The following IDO1 variants were observed in gnomAD, a reference collection of about 807,000 sequenced individuals.
IDO1 encodes indolamine 2,3 dioxygenase.
A neutral mutation model predicts 38.8 loss-of-function variants in IDO1; 35 were observed. The ratio of observed to expected loss-of-function variants is 0.90; its 90% confidence interval spans 0.69 to 1.20. The LOEUF (loss-of-function observed/expected upper bound fraction) is 1.20. IDO1 is among the 50% of genes most tolerant of loss of function. The pLI is 0.00. For missense variants in IDO1, 509 were observed against 485.1 expected (o/e 1.05, Z -0.46); for synonymous variants, 171 against 170.0 (o/e 1.01, Z -0.05).
At chr8:39,925,981 A>T (rs1807353452) in intron 9 of IDO1, among the ~76,000 whole-genome samples, 1 of 151,750 alleles carries the variant, frequency 6.6e-6, no homozygotes, top group African/African-American at 2.4e-5. Context: ...AGATCAGGAG[A>T]TCGAGACCAT....
At chr8:39,916,550 G>GA (rs957838302) in intron 1 of IDO1, among the ~76,000 whole-genome samples, 1 of 151,832 alleles carries the variant, frequency 6.6e-6, no homozygotes, top group Non-Finnish European at 1.5e-5. Context: ...CCGGAAACAT[G>GA]AAAAAAAATT....
Position 39,914,001 on chromosome 8 carries a change from A to C in IDO1, c.79A>C (p.Asn27His). ...IDEEVGFALP[N>H]PQENLPDFYN... ...TGAAGAAGTGGGCTTTGCTCTGCCA[A>C]ATCCACAGGTAAGAGAAGGCAGTAA... is the stretch of plus-strand genomic sequence containing the variant. The change falls in exon 1 of 10, where the codon AAT becomes CAT. Residue 27 changes from asparagine (N) to histidine (H), a missense_variant. By Grantham distance (68) the Asn-to-His change is moderately conservative. Transcript: ENST00000518237. The C allele has an allele frequency of 1.3e-6, 2 of 1,566,478 alleles. No homozygotes were observed. Among genetic ancestry groups the C allele is most frequent in the Non-Finnish European group, 1.7e-6 (2 of 1,154,666 alleles).
intron 3 of IDO1, chr8:39,918,541 T>C: frequency 2.2e-6 from 1 of 455,778 alleles, no homozygotes; most frequent in Non-Finnish European, 3.9e-6. Flanking sequence ...AGGTCAGGAG[T>C]TCAAGACCAA....
chr8:39,922,082 C>A (rs1387016446), intron 5 of IDO1, among the ~76,000 whole-genome samples: 1 of 152,090 alleles, frequency 6.6e-6, no homozygotes, highest in Non-Finnish European at 1.5e-5. Flanking sequence ...CTCACTGCAA[C>A]CTCCGCCTCC....
intron 3 of IDO1, chr8:39,918,417 T>C: frequency 1.8e-6 from 1 of 558,008 alleles, no homozygotes; most frequent in Non-Finnish European, 3.1e-6. Flanking sequence ...TTTCATCCTG[T>C]ATTTTATCTG....
intron 6 of IDO1, chr8:39,922,898 G>A: frequency 2.0e-6 from 1 of 496,200 alleles, no homozygotes. Context: ...AATAAAATCT[G>A]GCTTTGGAAC....
At chr8:39,925,767 C>A (rs1807349963) in intron 9 of IDO1, among the ~76,000 whole-genome samples, 1 of 151,992 alleles carries the variant, frequency 6.6e-6, no homozygotes, top group South Asian at 2.1e-4. Flanking sequence ...GCCTCTAATC[C>A]CAGCTACTCG....
chr8:39,923,268 G>C (rs1807302894), intron 6 of IDO1, among the ~76,000 whole-genome samples: 1 of 152,086 alleles, frequency 6.6e-6, no homozygotes, highest in Non-Finnish European at 1.5e-5. Context: ...GCCGGGCATG[G>C]TGGTGGGCAC....
intron 7 of IDO1, 130 bp downstream of exon 7, chr8:39,923,716 T>G: frequency 1.8e-6 from 1 of 556,564 alleles, no homozygotes; most frequent in South Asian, 2.6e-5. Flanking sequence ...TTTATCTTAC[T>G]AAACCATTCC....
At chr8:39,926,512 T>C (rs1000011915) in intron 9 of IDO1, among the ~76,000 whole-genome samples, 2 of 152,196 alleles carry the variant, frequency 1.3e-5, no homozygotes, top group African/African-American at 4.8e-5. Context: ...ACATTCATTG[T>C]ATGCCTTCTA....
Position 39,928,115 on chromosome 8 carries a change from G to C in IDO1, c.1142G>C (p.Gly381Ala), listed in dbSNP as rs753700103. 1 of 1,613,576 alleles carries C rather than the reference G, an allele frequency of 6.2e-7. No individual in the cohort carries two copies. Among genetic ancestry groups the C allele is most frequent in the East Asian group, 2.2e-5 (1 of 44,890 alleles). The change falls in exon 10 of 10, where the codon GGC becomes GCC. Residue 381 changes from glycine (G) to alanine (A), a missense_variant. Physicochemically the swap from Gly to Ala is moderately conservative, Grantham distance 60. Coordinates refer to ENST00000518237, the MANE Select transcript of IDO1 (RefSeq NM_002164.6). ...AAACTGGAAGCCAAAGGAACTGGAGGCACTGATTTAATGAATTTCCTGAAG... is the reference window on the plus strand; with the variant it reads ...AAACTGGAAGCCAAAGGAACTGGAGCCACTGATTTAATGAATTTCCTGAAG... The part of the protein sequence containing the change: ...PSKLEAKGTG[G>A]TDLMNFLKTV...
chr8:39,919,919 G>C (rs567060522), intron 4 of IDO1, among the ~76,000 whole-genome samples, 181 bp from the exon 5 acceptor site: 1 of 152,202 alleles, frequency 6.6e-6, no homozygotes, highest in African/African-American at 2.4e-5. Context: ...TCATTTGTAA[G>C]TTATTAAGTT....
chr8:39,925,305 G>A lies in IDO1; in HGVS notation c.790G>A (p.Ala264Thr), dbSNP rs912886485. The A allele has an allele frequency of 1.1e-5, 18 of 1,613,150 alleles. No individual in the cohort carries two copies. The highest frequency in any genetic ancestry group is 1.4e-5 in the Non-Finnish European group (17 of 1,179,630). ...CCCAAAGGAGTTTGCAGGGGGCAGTGCAGGCCAAAGCAGCGTCTTTCAGTG... is the reference window on the plus strand; with the variant it reads ...CCCAAAGGAGTTTGCAGGGGGCAGTACAGGCCAAAGCAGCGTCTTTCAGTG... ...EDPKEFAGGS[A>T]GQSSVFQCFD... The change falls in exon 9 of 10, where the codon GCA becomes ACA. Residue 264 changes from alanine to threonine, a missense_variant. By Grantham distance (58) the Ala-to-Thr change is moderately conservative. Transcript: ENST00000518237.
intron 1 of IDO1, among the ~76,000 whole-genome samples, chr8:39,916,097 C>T (rs1441470431): frequency 6.6e-6 from 1 of 152,006 alleles, no homozygotes; most frequent in Non-Finnish European, 1.5e-5. Context: ...ACCTGGGAGT[C>T]GGAGGTTGCA....
At chr8:39,924,237 A>G (rs1309789999) in intron 7 of IDO1, among the ~76,000 whole-genome samples, 2 of 152,146 alleles carry the variant, frequency 1.3e-5, no homozygotes, top group South Asian at 2.1e-4. Flanking sequence ...GCGGTGGCTC[A>G]TATGTGTAGT....
intron 4 of IDO1, 38 bp downstream of exon 4, chr8:39,918,971 G>A: frequency 8.2e-7 from 1 of 1,220,060 alleles, no homozygotes; most frequent in East Asian, 2.3e-5. Context: ...TTTTTGGAGT[G>A]TGTGCCGATT....
rs939526327 is a variant in IDO1, at chr8:39,914,236, A to T, written c.87+227A>T. ...CATTTCTTACTTACCTAACATGGAT[A>T]CGGAGAGTGGTGAGAAAGGAAACTA... On this transcript the variant is annotated intron_variant, in intron 1 of 9. Coordinates refer to ENST00000518237, the MANE Select transcript of IDO1 (RefSeq NM_002164.6). The T allele has an allele frequency of 9.9e-6, 4 of 405,298 alleles. No homozygotes were observed. In the East Asian group the frequency reaches 1.3e-4, roughly 13 times the overall value. 25.1% of individuals were successfully genotyped at this position (405,298 alleles called of 1,614,324 possible). A position where few individuals can be genotyped will look rare whatever the true frequency, so the allele number is the denominator to read the frequency against.
intron 1 of IDO1, among the ~76,000 whole-genome samples, chr8:39,917,427 C>A (rs183010043): frequency 4.7e-4 from 71 of 152,276 alleles, no homozygotes; most frequent in African/African-American, 1.6e-3. Context: ...ACCCAGGAGA[C>A]AGAAGTTGTA....
chr8:39,926,022 C>G (rs1326605565), intron 9 of IDO1, among the ~76,000 whole-genome samples: 1 of 151,164 alleles, frequency 6.6e-6, no homozygotes, highest in Non-Finnish European at 1.5e-5. Flanking sequence ...CCTGTCTCTA[C>G]TAAAAATACA....
Sources: allele counts gnomAD v4.1 joint callset (sites outside exome capture counted in the v4.1 genomes callset), GRCh38; gene constraint gnomAD v4.1.1; transcripts MANE v1.5; gene names NCBI Gene and HGNC (gene_info 2026-07-23, HGNC 2026-07-21).